The following CACNA1C variants were observed in gnomAD, a reference collection of about 807,000 sequenced individuals.
The protein encoded by CACNA1C is calcium voltage-gated channel subunit alpha1 C.
In CACNA1C, 30 loss-of-function variants were observed where a neutral mutation model predicts 229.0. The observed-to-expected ratio is 0.13, with a 90% CI of 0.10 to 0.18. The LOEUF is 0.18. Among genes scored for constraint, CACNA1C ranks in the 10% least tolerant of loss-of-function variants. The pLI is 1.00. For missense variants in CACNA1C, 1,658 were observed against 2,845.0 expected (o/e 0.58, Z 9.49); for synonymous variants, 1,114 against 1,132.5 (o/e 0.98, Z 0.33).
intron 2 of CACNA1C, among the ~76,000 whole-genome samples, chr12:2,118,176 G>T (rs111520377): frequency 0.013 from 1,957 of 152,322 alleles, 51 homozygotes; most frequent in African/African-American, 0.044. Context: ...GAGGGGAGGG[G>T]AACTGATAGT....
Position 2,076,499 on chromosome 12 carries a change from C to G in CACNA1C, c.49+22888C>G, listed in dbSNP as rs561974822. On this transcript the variant is annotated intron_variant, in intron 1 of 46. Transcript: ENST00000399655. ...CTTCCTTCCCTCGCCTCACTCCCTC[C>G]CTACCTACCTCCCCCCTCCCTTCCT... Among the ~76,000 whole-genome samples the G allele has an allele frequency of 6.6e-5, 10 of 152,174 alleles. No homozygotes were observed. In the South Asian group the frequency reaches 2.1e-3, roughly 32 times the overall value.
rs867390446 is a variant in CACNA1C at position 2,282,643 on chromosome 12, G to A, written c.477+162213G>A. On this transcript the variant is annotated intron_variant, in intron 3 of 46. Transcript: ENST00000399655. ...ATGAGTGGTCAGGTACAGCGCACCC[G>A]CCTCCTGCCAGAGAAAAGGAGACCT... 4.6e-5 allele frequency among the ~76,000 whole-genome samples: 7 copies of A among 152,264 alleles called. No homozygotes were observed. In the East Asian group the frequency reaches 7.7e-4, roughly 17 times the overall value.
chr12:2,017,559 G>C (rs1274663202), intron 1 of CACNA1C, among the ~76,000 whole-genome samples: 1 of 152,142 alleles, frequency 6.6e-6, no homozygotes, highest in Non-Finnish European at 1.5e-5. Context: ...GAGGGGAGAA[G>C]AGATGGTCTG....
intron 3 of CACNA1C, among the ~76,000 whole-genome samples, chr12:2,364,538 A>C (rs1306271485): frequency 1.3e-5 from 2 of 152,222 alleles, no homozygotes; most frequent in African/African-American, 4.8e-5. Flanking sequence ...TTCAGAAAAT[A>C]GGTACAGAGG....
At chr12:2,661,169 G>A (rs2095699259) in intron 34 of CACNA1C, among the ~76,000 whole-genome samples, 1 of 151,986 alleles carries the variant, frequency 6.6e-6, no homozygotes, top group Non-Finnish European at 1.5e-5. Context: ...AGCTGTAGCG[G>A]GAGGATCACT....
chr12:2,103,982 C>T (rs2077309872), intron 1 of CACNA1C, among the ~76,000 whole-genome samples: 1 of 152,088 alleles, frequency 6.6e-6, no homozygotes, highest in Admixed American at 6.6e-5. Context: ...TTACTGTAGC[C>T]TTGTAGATAG....
chr12:2,433,985 A>C (rs912313430), intron 3 of CACNA1C, among the ~76,000 whole-genome samples: 2 of 152,184 alleles, frequency 1.3e-5, no homozygotes, highest in African/African-American at 4.8e-5. Context: ...CCAGATTTTT[A>C]TGTAAGAAAA....
chr12:2,561,951 A>G (rs370473170), intron 11 of CACNA1C, among the ~76,000 whole-genome samples: 2 of 152,210 alleles, frequency 1.3e-5, no homozygotes, highest in Non-Finnish European at 2.9e-5. Flanking sequence ...CTAATAAACC[A>G]TTACATTTAT....
chr12:1,983,817 C>T (rs550303998), intron 1 of CACNA1C, among the ~76,000 whole-genome samples: 2 of 151,796 alleles, frequency 1.3e-5, no homozygotes, highest in Non-Finnish European at 2.9e-5. Flanking sequence ...AAGTGGAGCA[C>T]TAAATTCTCC....
intron 3 of CACNA1C, among the ~76,000 whole-genome samples, chr12:2,269,441 G>T (rs1201711543): frequency 1.3e-5 from 2 of 152,218 alleles, no homozygotes; most frequent in African/African-American, 4.8e-5. Context: ...TGAGCCCCTG[G>T]GTTCTGGATT....
chr12:1,981,077 T>G (rs1442620732), intron 1 of CACNA1C, among the ~76,000 whole-genome samples: 1 of 152,234 alleles, frequency 6.6e-6, no homozygotes, highest in African/African-American at 2.4e-5. Context: ...TTCCTTGAAC[T>G]ATTAAATTTC....
intron 1 of CACNA1C, among the ~76,000 whole-genome samples, chr12:2,113,159 C>T (rs1051764263): frequency 6.6e-6 from 1 of 152,176 alleles, no homozygotes; most frequent in African/African-American, 2.4e-5. Flanking sequence ...CTGCGTGTGG[C>T]TCAGGTAAGG....
intron 3 of CACNA1C, among the ~76,000 whole-genome samples, chr12:2,387,975 A>G (rs1311428047): frequency 6.6e-6 from 1 of 152,144 alleles, no homozygotes; most frequent in Non-Finnish European, 1.5e-5. Flanking sequence ...GGAGAGATGA[A>G]ACTAGAGAGC....
At chr12:2,154,317 G>A (rs1370879805) in intron 3 of CACNA1C, among the ~76,000 whole-genome samples, 1 of 152,194 alleles carries the variant, frequency 6.6e-6, no homozygotes, top group Non-Finnish European at 1.5e-5. Context: ...CAATCAAAGA[G>A]TGGGCGGTCA....
intron 3 of CACNA1C, among the ~76,000 whole-genome samples, chr12:2,256,127 G>C (rs1387690478): frequency 6.6e-6 from 1 of 152,154 alleles, no homozygotes; most frequent in African/African-American, 2.4e-5. Context: ...ACTCAGGGAT[G>C]GGGTAGGAGG....
rs2097851385 is a variant in CACNA1C at position 2,697,615 on chromosome 12, T to C, written c.*6416T>C. On this transcript the variant is annotated 3_prime_UTR_variant, in exon 47 of 47. Transcript: ENST00000399655. ...CACAGAAAGATGGGCAGTGCCTCCG[T>C]TGTCACCATTCCCCACACCCCTACA... is the stretch of plus-strand genomic sequence containing the variant. 6.6e-6 allele frequency: 1 copy of C among 152,034 alleles called. No individual in the cohort carries two copies. The highest frequency in any genetic ancestry group is 2.4e-5 in the African/African-American group (1 of 41,382). The allele number at this position is 152,034 out of a possible 1,614,324, so 9.4% of individuals were successfully genotyped here.
chr12:2,238,036 G>A (rs1270466053), intron 3 of CACNA1C, among the ~76,000 whole-genome samples: 1 of 152,146 alleles, frequency 6.6e-6, no homozygotes, highest in Non-Finnish European at 1.5e-5. Flanking sequence ...TCTTTAAGGA[G>A]GTTTGTTTAA....
At chr12:2,306,257 T>C (rs1361789435) in intron 3 of CACNA1C, among the ~76,000 whole-genome samples, 1 of 152,210 alleles carries the variant, frequency 6.6e-6, no homozygotes, top group African/African-American at 2.4e-5. Context: ...CTCTGGTCCA[T>C]GGTGGGAAGC....
chr12:2,519,204 T>A (rs916333821), intron 9 of CACNA1C, among the ~76,000 whole-genome samples: 2 of 152,224 alleles, frequency 1.3e-5, no homozygotes, highest in Non-Finnish European at 2.9e-5. Flanking sequence ...GAGAGGTCCT[T>A]CTTGGGGCTG....
Sources: allele counts gnomAD v4.1 joint callset (sites outside exome capture counted in the v4.1 genomes callset), GRCh38; gene constraint gnomAD v4.1.1; transcripts MANE v1.5; gene names NCBI Gene and HGNC (gene_info 2026-07-23, HGNC 2026-07-21).